LMO7: variants seen among roughly 807,000 people sequenced by gnomAD.
LMO7 encodes LIM domain only protein 7.
A neutral mutation model predicts 206.5 loss-of-function variants in LMO7; 120 were observed. That is an observed-to-expected ratio of 0.58 (90% CI 0.50 to 0.68). The LOEUF is 0.68. LMO7 is among the 30% of genes least tolerant of loss of function. The pLI, the probability that LMO7 is intolerant of heterozygous loss-of-function variation, is 0.00. For synonymous variants in LMO7, 706 were observed against 681.5 expected (o/e 1.04, Z -0.56); for missense variants, 1,959 against 1,957.9 (o/e 1.00, Z -0.01).
chr13:75,676,942 A>G (rs951723979), intron 1 of LMO7, among the ~76,000 whole-genome samples: 26 of 152,250 alleles, frequency 1.7e-4, no homozygotes, highest in Admixed American at 1.2e-3. Flanking sequence ...AGCTTTTAAT[A>G]TAAAAGCTAT....
At chr13:75,711,658 T>A (rs66918117) in intron 1 of LMO7, among the ~76,000 whole-genome samples, 4 of 152,158 alleles carry the variant, frequency 2.6e-5, no homozygotes, top group African/African-American at 4.8e-5. Context: ...AGGAAGCCAG[T>A]ACCTCAGTCG....
chr13:75,855,038 G>A (rs1439862878), intron 28 of LMO7: 11 of 460,488 alleles, frequency 2.4e-5, no homozygotes, highest in Non-Finnish European at 3.9e-5. Flanking sequence ...GCTCATTTAT[G>A]TGAATAGGTG....
At chr13:75,730,451 A>T (rs1004799598) in intron 3 of LMO7, among the ~76,000 whole-genome samples, 1 of 152,014 alleles carries the variant, frequency 6.6e-6, no homozygotes, top group Non-Finnish European at 1.5e-5. Flanking sequence ...GGTAGTTTGT[A>T]TTTCTGTGGG....
At chr13:75,788,838 G>C (rs566675087) in intron 4 of LMO7, 1 of 152,518 alleles carries the variant, frequency 6.6e-6, no homozygotes, top group Non-Finnish European at 1.5e-5. Context: ...GGCTGGAACT[G>C]ACTTTTGAAG....
At chr13:75,850,061 T>A (rs1405153497) in intron 27 of LMO7, among the ~76,000 whole-genome samples, 1 of 152,210 alleles carries the variant, frequency 6.6e-6, no homozygotes, top group Middle Eastern at 3.4e-3. Flanking sequence ...GAGGTTGCAG[T>A]GAGCTGAGAT....
chr13:75,750,936 GAT>G (rs2047219088), intron 3 of LMO7, among the ~76,000 whole-genome samples: 1 of 152,138 alleles, frequency 6.6e-6, no homozygotes, highest in Non-Finnish European at 1.5e-5. Flanking sequence ...ATAATGCTAA[GAT>G]ATGGACTTAG....
intron 3 of LMO7, among the ~76,000 whole-genome samples, chr13:75,727,941 C>A (rs1290167222): frequency 6.6e-6 from 1 of 152,062 alleles, no homozygotes; most frequent in East Asian, 1.9e-4. Flanking sequence ...CATGTCCCTA[C>A]AAAGGACATG....
In LMO7 at chr13:75,808,114, C is replaced by G. The variant is rs2055785758; in HGVS notation, c.1831C>G (p.Pro611Ala). 6.2e-7 allele frequency: 1 copy of G among 1,613,848 alleles called. No individual in the cohort carries two copies. Among genetic ancestry groups the G allele is most frequent in the East Asian group, 2.2e-5 (1 of 44,848 alleles). ...GCCTCCCATCAGTTTCACCCCTGGC[C>G]CCTGCAGTGAGGCTGACTTGAAGAG... Reference protein sequence around the residue: ...TVPPISFTPGPCSEADLKRWE... With the variant: ...TVPPISFTPGACSEADLKRWE... Residue 611 changes from proline to alanine, a missense_variant, in exon 10 of 31, where the codon CCC becomes GCC. Pro to Ala is a conservative substitution (Grantham distance 27, BLOSUM62 -1). Coordinates refer to ENST00000377534, the MANE Select transcript of LMO7 (RefSeq NM_001306080.2).
intron 6 of LMO7, among the ~76,000 whole-genome samples, chr13:75,799,690 T>C (rs12428617): frequency 6.6e-6 from 1 of 152,114 alleles, no homozygotes; most frequent in African/African-American, 2.4e-5. Context: ...GTCTCTGTAT[T>C]AGTAAGCTCA....
At chr13:75,781,369 T>G (rs2051406528) in intron 4 of LMO7, among the ~76,000 whole-genome samples, 2 of 140,244 alleles carry the variant, frequency 1.4e-5, no homozygotes, top group African/African-American at 2.6e-5. Flanking sequence ...TGAGTGAGAA[T>G]ATGTGGTGTT....
At chr13:75,693,536 C>T (rs1594322048) in intron 1 of LMO7, among the ~76,000 whole-genome samples, 1 of 152,160 alleles carries the variant, frequency 6.6e-6, no homozygotes, top group African/African-American at 2.4e-5. Context: ...TTCTCCTTTT[C>T]CTCCGGCTTT....
intron 29 of LMO7, among the ~76,000 whole-genome samples, chr13:75,856,275 A>G (rs993795702): frequency 9.2e-5 from 14 of 152,174 alleles, no homozygotes; most frequent in Admixed American, 5.9e-4. Context: ...TGGGGAGTAT[A>G]TTTAGACTGG....
intron 1 of LMO7, among the ~76,000 whole-genome samples, chr13:75,663,432 C>CTTTTT (rs1178254643): frequency 1.8e-5 from 2 of 111,408 alleles, no homozygotes; most frequent in Admixed American, 1.1e-4. Context: ...TTCTTTCTTT[C>CTTTTT]TTTTTTTTTT....
At chr13:75,823,974 G>A in intron 15 of LMO7, 101 bp downstream of exon 15, 2 of 940,624 alleles carry the variant, frequency 2.1e-6, no homozygotes, top group South Asian at 3.3e-5. Context: ...GTTAATCTGG[G>A]CTGAAAATGT....
intron 2 of LMO7, among the ~76,000 whole-genome samples, chr13:75,719,356 A>C (rs1292442936): frequency 6.6e-6 from 1 of 152,168 alleles, no homozygotes; most frequent in Non-Finnish European, 1.5e-5. Flanking sequence ...TCATCAAATG[A>C]AGGCCATCTC....
intron 1 of LMO7, among the ~76,000 whole-genome samples, chr13:75,651,184 G>T (rs1181320441): frequency 1.3e-5 from 2 of 152,192 alleles, no homozygotes; most frequent in African/African-American, 4.8e-5. Flanking sequence ...ACAATTTACA[G>T]TAATGCTTTT....
chr13:75,784,091 T>TG (rs2052005409), intron 4 of LMO7, among the ~76,000 whole-genome samples: 1 of 152,134 alleles, frequency 6.6e-6, no homozygotes, highest in African/African-American at 2.4e-5. Context: ...TTTTCATGCC[T>TG]GGGGCCAGGG....
chr13:75,821,741 C>A, intron 14 of LMO7, 132 bp downstream of exon 14: 1 of 599,074 alleles, frequency 1.7e-6, no homozygotes, highest in Non-Finnish European at 2.9e-6. Context: ...TTATTTTATG[C>A]CAGTTTAGAT....
At chr13:75,771,459 A>T (rs1441533446) in intron 4 of LMO7, among the ~76,000 whole-genome samples, 2 of 84,120 alleles carry the variant, frequency 2.4e-5, no homozygotes, top group Non-Finnish European at 5.1e-5. Context: ...GGATTGTAAA[A>T]CCTTACTAAT....
Sources: allele counts gnomAD v4.1 joint callset (sites outside exome capture counted in the v4.1 genomes callset), GRCh38; gene constraint gnomAD v4.1.1; transcripts MANE v1.5; gene names NCBI Gene and HGNC (gene_info 2026-07-23, HGNC 2026-07-21).